GRM7: variants seen among roughly 807,000 people sequenced by gnomAD.
GRM7 encodes the protein glutamate metabotropic receptor 7, also known as metabotropic glutamate receptor 7.
A neutral mutation model predicts 84.5 loss-of-function variants in GRM7; 35 were observed. That is an observed-to-expected ratio of 0.41 (90% CI 0.32 to 0.55). The LOEUF is 0.55. Among genes scored for constraint, GRM7 ranks in the 20% least tolerant of loss-of-function variants. The pLI, the probability that GRM7 is intolerant of heterozygous loss-of-function variation, is 0.19. For missense variants in GRM7, 1,003 were observed against 1,194.6 expected, an observed-to-expected ratio of 0.84 and a Z score of 2.36; for synonymous variants, 487 against 455.1, an observed-to-expected ratio of 1.07 and a Z score of -0.89.
intron 8 of GRM7, among the ~76,000 whole-genome samples, chr3:7,654,576 G>A (rs531197589): frequency 6.6e-6 from 1 of 152,304 alleles, no homozygotes; most frequent in African/African-American, 2.4e-5. Context: ...GTCCAGTGAA[G>A]AGCTTAAGAC....
intron 1 of GRM7, among the ~76,000 whole-genome samples, chr3:6,970,764 G>A (rs1693719645): frequency 6.6e-6 from 1 of 152,160 alleles, no homozygotes; most frequent in South Asian, 2.1e-4. Flanking sequence ...CGGATCACGA[G>A]GTCAGGAGAT....
chr3:6,894,858 C>G (rs979509219), intron 1 of GRM7, among the ~76,000 whole-genome samples: 1 of 152,076 alleles, frequency 6.6e-6, no homozygotes, highest in Non-Finnish European at 1.5e-5. Context: ...TATTCCAGTG[C>G]CTGGAAGGTA....
intron 2 of GRM7, among the ~76,000 whole-genome samples, chr3:7,184,493 A>T (rs1695449148): frequency 6.6e-6 from 1 of 152,156 alleles, no homozygotes; most frequent in African/African-American, 2.4e-5. Flanking sequence ...CTTAATGATA[A>T]ATACTATTAA....
At chr3:7,445,087 G>A (rs1463062712) in intron 5 of GRM7, among the ~76,000 whole-genome samples, 2 of 152,152 alleles carry the variant, frequency 1.3e-5, no homozygotes, top group African/African-American at 4.8e-5. Context: ...TCCACCCAAA[G>A]GGAAGTCAAG....
chr3:7,597,403 C>G (rs975597573), intron 8 of GRM7, among the ~76,000 whole-genome samples: 2 of 152,088 alleles, frequency 1.3e-5, no homozygotes, highest in African/African-American at 4.8e-5. Flanking sequence ...TGGGAGGAGA[C>G]AAATATCCAA....
chr3:6,911,346 A>T (rs62235379), intron 1 of GRM7, among the ~76,000 whole-genome samples: 11,186 of 152,118 alleles, frequency 0.074, 565 homozygotes, highest in Non-Finnish European at 0.11. Flanking sequence ...AGAATACCTA[A>T]TGAGAATTTG....
intron 9 of GRM7, among the ~76,000 whole-genome samples, chr3:7,708,132 T>G (rs1293260686): frequency 2.0e-5 from 3 of 151,916 alleles, no homozygotes; most frequent in African/African-American, 7.2e-5. Context: ...TCCAAATCTT[T>G]TTTTTTTCTC....
At chr3:6,949,961 T>C (rs1692661145) in intron 1 of GRM7, among the ~76,000 whole-genome samples, 1 of 151,954 alleles carries the variant, frequency 6.6e-6, no homozygotes, top group Non-Finnish European at 1.5e-5. Context: ...ATTCGTCTAA[T>C]TTTTTTTCAA....
intron 2 of GRM7, among the ~76,000 whole-genome samples, chr3:7,280,708 A>T (rs1699225217): frequency 6.6e-6 from 1 of 152,202 alleles, no homozygotes; most frequent in South Asian, 2.1e-4. Context: ...GCTTTGTAAA[A>T]TTCTATAGCA....
chr3:7,427,502 C>T (rs1696659113), intron 5 of GRM7, among the ~76,000 whole-genome samples: 1 of 152,154 alleles, frequency 6.6e-6, no homozygotes, highest in Admixed American at 6.5e-5. Flanking sequence ...AATACCTATT[C>T]CTGTAGGTGA....
At chr3:7,695,187 C>T (rs1391120329) in intron 9 of GRM7, among the ~76,000 whole-genome samples, 1 of 148,718 alleles carries the variant, frequency 6.7e-6, no homozygotes, top group African/African-American at 2.4e-5. Flanking sequence ...TCAAGAGACT[C>T]TCCAGACTGG....
chr3:7,689,996 C>T (rs570592358), intron 9 of GRM7, among the ~76,000 whole-genome samples: 87 of 152,192 alleles, frequency 5.7e-4, no homozygotes, highest in Non-Finnish European at 4.6e-4. Context: ...CAGGTGGAGA[C>T]CATCACCCGG....
chr3:7,090,065 A>T (rs979541527), intron 1 of GRM7, among the ~76,000 whole-genome samples: 1 of 151,966 alleles, frequency 6.6e-6, no homozygotes, highest in Non-Finnish European at 1.5e-5. Flanking sequence ...CCAGTCTTGA[A>T]CTCCTGACCT....
intron 1 of GRM7, among the ~76,000 whole-genome samples, chr3:7,065,788 T>A (rs1183368622): frequency 6.6e-6 from 1 of 151,788 alleles, no homozygotes; most frequent in Non-Finnish European, 1.5e-5. Flanking sequence ...GGCAATATGG[T>A]GATTTTCACT....
chr3:6,986,856 G>T (rs1694430567), intron 1 of GRM7, among the ~76,000 whole-genome samples: 1 of 152,142 alleles, frequency 6.6e-6, no homozygotes, highest in Non-Finnish European at 1.5e-5. Flanking sequence ...CTGCATGATT[G>T]GAGGGATGAA....
At chr3:6,875,810 A>G (rs1574955244) in intron 1 of GRM7, among the ~76,000 whole-genome samples, 1 of 152,226 alleles carries the variant, frequency 6.6e-6, no homozygotes, top group Admixed American at 6.5e-5. Context: ...GAAAAGTAAC[A>G]TAAAGAACTG....
At chr3:7,616,072 C>CTAGGAGAAGTGTCCTGAATT (rs1475710017) in intron 8 of GRM7, among the ~76,000 whole-genome samples, 10 of 152,146 alleles carry the variant, frequency 6.6e-5, no homozygotes, top group Admixed American at 6.6e-4. Context: ...TAGCAGGCTA[C>CTAGGAGAAGTGTCCTGAATT]TAGGAGAAGT....
rs555911725 is a variant in GRM7 at position 7,044,213 on chromosome 3, T to G, written c.520-102239T>G. 3.9e-5 allele frequency among the ~76,000 whole-genome samples: 6 copies of G among 152,296 alleles called. No individual in the cohort carries two copies. The South Asian group carries it at 1.0e-3, about 26-fold the overall frequency. ...CTGGCATGGATCCATGAATCAATAT[T>G]TTGCAGAGAGTCATTTAACCAAATC... is the stretch of plus-strand genomic sequence containing the variant. On this transcript the variant is annotated intron_variant, in intron 1 of 9. Transcript: ENST00000357716.
At chr3:7,081,266 G>A (rs944381981) in intron 1 of GRM7, among the ~76,000 whole-genome samples, 6 of 151,856 alleles carry the variant, frequency 4.0e-5, no homozygotes, top group Admixed American at 6.6e-5. Flanking sequence ...AAAATAACAC[G>A]TGCTCACTTC....
Sources: allele counts gnomAD v4.1 joint callset (sites outside exome capture counted in the v4.1 genomes callset), GRCh38; gene constraint gnomAD v4.1.1; transcripts MANE v1.5; gene names NCBI Gene and HGNC (gene_info 2026-07-23, HGNC 2026-07-21).